Variants in DPP10 observed in about 807,000 individuals in gnomAD.
DPP10 encodes the protein inactive dipeptidyl peptidase 10.
Under a neutral mutation model 120.9 loss-of-function variants are expected in DPP10, and 33 were observed. That is an observed-to-expected ratio of 0.27 (90% CI 0.21 to 0.37). The LOEUF (loss-of-function observed/expected upper bound fraction) is 0.37. Among genes scored for constraint, DPP10 ranks in the 10% least tolerant of loss-of-function variants. The probability of loss-of-function intolerance (pLI) is 1.00; values close to 1 mark genes in which losing one functional copy is unlikely to be tolerated. For missense variants in DPP10, 816 were observed against 942.8 expected, an observed-to-expected ratio of 0.87 and a Z score of 1.76; for synonymous variants, 337 against 326.1, an observed-to-expected ratio of 1.03 and a Z score of -0.36.
intron 5 of DPP10, among the ~76,000 whole-genome samples, chr2:115,680,999 G>T (rs1042952079): frequency 1.3e-5 from 2 of 151,876 alleles, no homozygotes; most frequent in African/African-American, 2.4e-5. Flanking sequence ...TGTTGTTGTT[G>T]TTGCTGCTGT....
At chr2:114,932,577 T>C (rs1696158365) in intron 1 of DPP10, among the ~76,000 whole-genome samples, 1 of 152,186 alleles carries the variant, frequency 6.6e-6, no homozygotes, top group Non-Finnish European at 1.5e-5. Context: ...TGTGATTTTA[T>C]TTATATACAG....
rs898982145 is a variant in DPP10 at position 114,776,791 on chromosome 2, T to C, written c.60+333953T>C. ...AGTGCAGATTATAAGAATTGATGAGTATTGAATTGATGAGTATTGGAAAAG... is the reference window on the plus strand; with the variant it reads ...AGTGCAGATTATAAGAATTGATGAGCATTGAATTGATGAGTATTGGAAAAG... On this transcript the variant is annotated intron_variant, in intron 1 of 25. Coordinates refer to ENST00000410059, the MANE Select transcript of DPP10 (RefSeq NM_020868.6). Among the ~76,000 whole-genome samples, 10 of 152,120 alleles carry C rather than the reference T, an allele frequency of 6.6e-5. No homozygotes were observed. In the East Asian group the frequency reaches 1.9e-3, roughly 29 times the overall value.
At chr2:115,453,091 G>A (rs1355438318) in intron 3 of DPP10, among the ~76,000 whole-genome samples, 1 of 151,426 alleles carries the variant, frequency 6.6e-6, no homozygotes, top group Non-Finnish European at 1.5e-5. Flanking sequence ...CTTACCTTAT[G>A]TTTGATTTTA....
At chr2:115,536,276 A>G (rs1474961001) in intron 5 of DPP10, among the ~76,000 whole-genome samples, 1 of 152,036 alleles carries the variant, frequency 6.6e-6, no homozygotes, top group African/African-American at 2.4e-5. Context: ...AGTATAACAC[A>G]GTTTACTATC....
At chr2:114,875,842 A>G (rs1224843818) in intron 1 of DPP10, among the ~76,000 whole-genome samples, 2 of 152,164 alleles carry the variant, frequency 1.3e-5, no homozygotes, top group East Asian at 3.9e-4. Context: ...ATTATTTCCA[A>G]ATATATAAAA....
chr2:114,960,741 C>T (rs1299959469), intron 1 of DPP10, among the ~76,000 whole-genome samples: 1 of 151,980 alleles, frequency 6.6e-6, no homozygotes, highest in African/African-American at 2.4e-5. Context: ...GCTATTCAGT[C>T]GCTGGACATT....
intron 1 of DPP10, among the ~76,000 whole-genome samples, chr2:115,007,840 G>T (rs1305066741): frequency 1.3e-5 from 2 of 149,462 alleles, no homozygotes; most frequent in Middle Eastern, 6.9e-3. Context: ...GCTTCAAAGA[G>T]AATAAAATAC....
In DPP10 at chr2:115,844,716, A is replaced by G. The variant is rs1690477934; in HGVS notation, c.*2371A>G. 1 of 152,198 alleles carries G rather than the reference A, an allele frequency of 6.6e-6. No individual in the cohort carries two copies. Among genetic ancestry groups the G allele is most frequent in the African/African-American group, 2.4e-5 (1 of 41,462 alleles). The allele number at this position is 152,198 out of a possible 1,614,324, so 9.4% of individuals were successfully genotyped here. On this transcript the variant is annotated 3_prime_UTR_variant, in exon 26 of 26. Transcript: ENST00000410059. The stretch of plus-strand genomic sequence containing the variant: ...TAGATTTTCCTAGGACTCCAATAGC[A>G]TGCTTTCCAAGTGTTATTATTCCCT...
At chr2:114,862,144 A>G (rs1276536712) in intron 1 of DPP10, among the ~76,000 whole-genome samples, 1 of 152,168 alleles carries the variant, frequency 6.6e-6, no homozygotes, top group African/African-American at 2.4e-5. Context: ...ATATAACATT[A>G]TTATAGAGGG....
At chr2:114,520,896 CTTCAACAGCT>C (rs1202003172) in intron 1 of DPP10, among the ~76,000 whole-genome samples, 1 of 152,138 alleles carries the variant, frequency 6.6e-6, no homozygotes, top group Non-Finnish European at 1.5e-5. Context: ...GGCTGATTTG[CTTCAACAGCT>C]TTCCGAGATA....
At chr2:115,800,739 T>C (rs1363428979) in intron 19 of DPP10, among the ~76,000 whole-genome samples, 1 of 152,192 alleles carries the variant, frequency 6.6e-6, no homozygotes, top group African/African-American at 2.4e-5. Flanking sequence ...AAAGATCAGA[T>C]AGTTGTAGAT....
chr2:115,384,458 G>GGAAGAAGGAGGAA (rs2066708025), intron 3 of DPP10, among the ~76,000 whole-genome samples: 1 of 46,478 alleles, frequency 2.2e-5, no homozygotes, highest in Non-Finnish European at 5.8e-5. Context: ...AGAAGAAGAA[G>GGAAGAAGGAGGAA]GAAGAAGAAG....
intron 1 of DPP10, among the ~76,000 whole-genome samples, chr2:114,882,303 A>T (rs1691709945): frequency 6.6e-6 from 1 of 152,156 alleles, no homozygotes; most frequent in Non-Finnish European, 1.5e-5. Flanking sequence ...TGGTATATAT[A>T]CACCATAAAA....
chr2:115,834,500 G>A (rs1043273595), intron 21 of DPP10, among the ~76,000 whole-genome samples: 2 of 130,618 alleles, frequency 1.5e-5, no homozygotes, highest in Admixed American at 1.5e-4. Context: ...TAGCTCAGTA[G>A]GTCATTTTTT....
At chr2:115,418,004 G>T (rs892331061) in intron 3 of DPP10, among the ~76,000 whole-genome samples, 1 of 152,110 alleles carries the variant, frequency 6.6e-6, no homozygotes, top group African/African-American at 2.4e-5. Context: ...TGGCTTTGAG[G>T]TTAAGCTAAA....
At chr2:114,828,825 C>T (rs1197745107) in intron 1 of DPP10, 5 of 152,364 alleles carry the variant, frequency 3.3e-5, no homozygotes, top group Admixed American at 6.5e-5. Flanking sequence ...AGGCAGGCTC[C>T]GCAGATAGGG....
At chr2:114,891,573 G>T (rs994655487) in intron 1 of DPP10, among the ~76,000 whole-genome samples, 2 of 152,192 alleles carry the variant, frequency 1.3e-5, no homozygotes, top group African/African-American at 4.8e-5. Flanking sequence ...GAGCTATGTG[G>T]AATGAACCAA....
chr2:115,164,178 C>A (rs896730143), intron 1 of DPP10, among the ~76,000 whole-genome samples: 3 of 152,046 alleles, frequency 2.0e-5, no homozygotes, highest in Non-Finnish European at 4.4e-5. Context: ...ATACACATGG[C>A]ACCTCGCAGT....
At chr2:114,983,109 G>C (rs746902579) in intron 1 of DPP10, among the ~76,000 whole-genome samples, 1 of 152,066 alleles carries the variant, frequency 6.6e-6, no homozygotes, top group Non-Finnish European at 1.5e-5. Context: ...ATATACACTT[G>C]ATTATTAATT....
Sources: gnomAD v4.1 joint callset for allele counts (sites outside exome capture counted in the v4.1 genomes callset) on GRCh38, gnomAD v4.1.1 for gene constraint, MANE v1.5 for transcripts, NCBI Gene and HGNC (gene_info 2026-07-23, HGNC 2026-07-21) for gene names.